LRRC7: variants seen among roughly 807,000 people sequenced by gnomAD.
LRRC7 encodes the protein leucine-rich repeat-containing protein 7.
In LRRC7, 23 loss-of-function variants were observed where a neutral mutation model predicts 175.7. The observed-to-expected ratio is 0.13, with a 90% CI of 0.09 to 0.19. The LOEUF is 0.19. Ranked by LOEUF, LRRC7 falls within the 10% of genes least tolerant of loss-of-function variation. LRRC7 has a pLI of 1.00. For missense variants in LRRC7, 1,354 were observed against 1,904.7 expected (o/e 0.71, Z 5.38); for synonymous variants, 685 against 680.9 (o/e 1.01, Z -0.09).
chr1:69,975,131 C>A (rs1481323995), intron 8 of LRRC7, among the ~76,000 whole-genome samples: 1 of 152,106 alleles, frequency 6.6e-6, no homozygotes, highest in African/African-American at 2.4e-5. Context: ...TACCTAAAGT[C>A]CCCAGTAAAA....
intron 2 of LRRC7, among the ~76,000 whole-genome samples, chr1:69,707,203 A>G (rs1430441397): frequency 6.6e-6 from 1 of 152,208 alleles, no homozygotes; most frequent in Non-Finnish European, 1.5e-5. Flanking sequence ...ATGGCATGTA[A>G]GTGCAGACAC....
Position 69,832,296 on chromosome 1 carries a change from G to A in LRRC7, c.501-2484G>A, listed in dbSNP as rs547903312. Reference sequence around the variant, plus strand: ...CATTAGTTGAGTACTGTCTCTGAGAGGGACATTAATTCCATGGAACTTGGG... The same window carrying A: ...CATTAGTTGAGTACTGTCTCTGAGAAGGACATTAATTCCATGGAACTTGGG... On this transcript the variant is annotated intron_variant, in intron 5 of 26. Coordinates refer to ENST00000651989, the MANE Select transcript of LRRC7 (RefSeq NM_001370785.2). 3.9e-5 allele frequency among the ~76,000 whole-genome samples: 6 copies of A among 152,180 alleles called. No individual in the cohort carries two copies. In the South Asian group the frequency reaches 1.2e-3, roughly 32 times the overall value.
intron 23 of LRRC7, among the ~76,000 whole-genome samples, chr1:70,058,884 T>C (rs569184443): frequency 6.6e-6 from 1 of 152,220 alleles, no homozygotes; most frequent in Non-Finnish European, 1.5e-5. Context: ...AAGGCTGTTT[T>C]GCCCTAATTC....
chr1:69,796,805 CA>C (rs1675836392), intron 4 of LRRC7, among the ~76,000 whole-genome samples: 1 of 151,258 alleles, frequency 6.6e-6, no homozygotes, highest in African/African-American at 2.4e-5. Context: ...AAAAAAAAAA[CA>C]AAAAACAACA....
intron 25 of LRRC7, among the ~76,000 whole-genome samples, chr1:70,104,219 A>G (rs1301711518): frequency 6.6e-6 from 1 of 152,208 alleles, no homozygotes; most frequent in African/African-American, 2.4e-5. Context: ...ATCAGTGCCA[A>G]AGTATTCTTT....
At chr1:69,631,851 CTG>C (rs1391996837) in intron 1 of LRRC7, among the ~76,000 whole-genome samples, 23 of 152,252 alleles carry the variant, frequency 1.5e-4, no homozygotes, top group Non-Finnish European at 2.5e-4. Flanking sequence ...TGTTCAGAGT[CTG>C]TTTTCAACTC....
intron 2 of LRRC7, among the ~76,000 whole-genome samples, chr1:69,720,782 T>C (rs1282366810): frequency 6.6e-6 from 1 of 151,840 alleles, no homozygotes; most frequent in Non-Finnish European, 1.5e-5. Context: ...TTGTTGCTCC[T>C]TTGATGCTTA....
chr1:69,634,053 G>A (rs1652943103), intron 1 of LRRC7, among the ~76,000 whole-genome samples: 1 of 152,040 alleles, frequency 6.6e-6, no homozygotes, highest in African/African-American at 2.4e-5. Flanking sequence ...TATACTTAGT[G>A]ACATTAAAGC....
In LRRC7 at chr1:70,038,314, T is replaced by C. The variant is rs765446632; in HGVS notation, c.2490T>C (p.Asn830=). The change falls in exon 21 of 27, where the codon AAT becomes AAC. Residue 830 remains asparagine (N), a synonymous_variant. Coordinates refer to ENST00000651989, the MANE Select transcript of LRRC7 (RefSeq NM_001370785.2). ...EETTAENANS[N]PLLSSKSRST... ...CCACAGCCGAGAATGCCAACAGTAA[T>C]CCTCTCTTAAGTTCGAAATCTAGAA... 2 of 1,614,082 alleles carry C rather than the reference T, an allele frequency of 1.2e-6. No individual in the cohort carries two copies. Among genetic ancestry groups the C allele is most frequent in the South Asian group, 1.1e-5 (1 of 91,074 alleles).
intron 24 of LRRC7, among the ~76,000 whole-genome samples, chr1:70,078,830 A>ACGCG (rs1663002336): frequency 6.7e-6 from 1 of 149,784 alleles, no homozygotes; most frequent in Admixed American, 6.7e-5. Flanking sequence ...ACACGCACAC[A>ACGCG]CACACACACA....
intron 2 of LRRC7, among the ~76,000 whole-genome samples, chr1:69,737,692 A>G (rs1277719935): frequency 6.6e-6 from 1 of 151,982 alleles, no homozygotes; most frequent in Non-Finnish European, 1.5e-5. Flanking sequence ...TGTATCTGGA[A>G]GGTCTTCCAG....
At chr1:69,800,220 T>C (rs1676306327) in intron 4 of LRRC7, among the ~76,000 whole-genome samples, 1 of 152,084 alleles carries the variant, frequency 6.6e-6, no homozygotes, top group African/African-American at 2.4e-5. Flanking sequence ...GTTTTGACTA[T>C]TTAGGCTCTC....
At chr1:70,078,334 T>C (rs1447623207) in intron 24 of LRRC7, among the ~76,000 whole-genome samples, 1 of 152,298 alleles carries the variant, frequency 6.6e-6, no homozygotes, top group Non-Finnish European at 1.5e-5. Flanking sequence ...TAAAGCTGTT[T>C]TCACAGTTGG....
chr1:69,786,867 A>G (rs766231207), intron 3 of LRRC7, among the ~76,000 whole-genome samples: 1 of 152,152 alleles, frequency 6.6e-6, no homozygotes, highest in Non-Finnish European at 1.5e-5. Flanking sequence ...ACGTACTCAC[A>G]TTTCAAAACC....
chr1:69,924,741 G>T lies in LRRC7; in HGVS notation c.648-6766G>T, dbSNP rs539351004. ...TCCTAGATATACAATCATGTCATCT[G>T]CAAACAGGGACAATTTGACTTCCTC... On this transcript the variant is annotated intron_variant, in intron 7 of 26. Coordinates refer to ENST00000651989, the MANE Select transcript of LRRC7 (RefSeq NM_001370785.2). 8.0e-3 allele frequency among the ~76,000 whole-genome samples: 1,223 copies of T among 152,296 alleles called. 8 individuals carry two copies. Among genetic ancestry groups the T allele is most frequent in the South Asian group, 0.037 (177 of 4,822 alleles).
chr1:69,600,795 G>GTTTCTTTTT (rs1557463007), intron 1 of LRRC7, among the ~76,000 whole-genome samples: 1 of 3,938 alleles, frequency 2.5e-4, no homozygotes, highest in African/African-American at 1.4e-3. Context: ...AAGGATCTCT[G>GTTTCTTTTT]GTTTCTTTTT....
chr1:69,832,702 A>G (rs1247393256), intron 5 of LRRC7, among the ~76,000 whole-genome samples: 2 of 152,320 alleles, frequency 1.3e-5, no homozygotes, highest in African/African-American at 4.8e-5. Flanking sequence ...CCCTATGACC[A>G]ATGATGTCAC....
At chr1:69,687,337 T>G (rs534690557) in intron 2 of LRRC7, among the ~76,000 whole-genome samples, 42 of 151,934 alleles carry the variant, frequency 2.8e-4, no homozygotes, top group Admixed American at 5.2e-4. Context: ...GGCGAAACCC[T>G]GTATCTACAA....
intron 2 of LRRC7, among the ~76,000 whole-genome samples, chr1:69,678,716 G>A (rs1660109279): frequency 6.6e-6 from 1 of 152,062 alleles, no homozygotes; most frequent in African/African-American, 2.4e-5. Flanking sequence ...CAAGTTCCAT[G>A]TTCAAATGAG....
Sources: gnomAD v4.1 joint callset for allele counts (sites outside exome capture counted in the v4.1 genomes callset) on GRCh38, gnomAD v4.1.1 for gene constraint, MANE v1.5 for transcripts, NCBI Gene and HGNC (gene_info 2026-07-23, HGNC 2026-07-21) for gene names.